Variants in KIAA0825 observed in about 807,000 individuals in gnomAD.
The protein encoded by KIAA0825 is KIAA0825.
KIAA0825 carries 119 observed loss-of-function variants against 147.6 expected under a neutral mutation model. That is an observed-to-expected ratio of 0.81 (90% CI 0.69 to 0.94). The LOEUF is 0.94. KIAA0825 is among the 40% of genes least tolerant of loss of function. The pLI, the probability that KIAA0825 is intolerant of heterozygous loss-of-function variation, is 0.00. For missense variants in KIAA0825, 1,381 were observed against 1,472.7 expected (o/e 0.94, Z 1.02); for synonymous variants, 470 against 518.1 (o/e 0.91, Z 1.26).
intron 13 of KIAA0825, among the ~76,000 whole-genome samples, chr5:94,441,481 C>T (rs935503587): frequency 6.6e-6 from 1 of 152,096 alleles, no homozygotes; most frequent in Non-Finnish European, 1.5e-5. Context: ...TTTGTGTTCC[C>T]CCTCCTCAAA....
At chr5:94,610,764 CA>C (rs756579848) in intron 1 of KIAA0825, among the ~76,000 whole-genome samples, 718 of 20,834 alleles carry the variant, frequency 0.034, 4 homozygotes, top group African/African-American at 0.069. Context: ...ACTCTATCTG[CA>C]AAAAAAAAAA....
At position 94,322,401 on chromosome 5, in the gene KIAA0825, G is replaced by T. The variant is rs1396697314; in HGVS notation, c.3710+61967C>A. 3.3e-5 allele frequency among the ~76,000 whole-genome samples: 5 copies of T among 151,748 alleles called. No individual in the cohort carries two copies. In the East Asian group the frequency reaches 9.7e-4, roughly 29 times the overall value. ...CAAAGGGTCCCCAGACTAAATCAAGGTTACTCATACGTAATCTAACTGCCA... is the reference window on the plus strand; with the variant it reads ...CAAAGGGTCCCCAGACTAAATCAAGTTTACTCATACGTAATCTAACTGCCA... On this transcript the variant is annotated intron_variant, in intron 20 of 20. Transcript: ENST00000682413.
chr5:94,489,476 G>A (rs1763450860), intron 5 of KIAA0825, among the ~76,000 whole-genome samples: 1 of 151,432 alleles, frequency 6.6e-6, no homozygotes, highest in South Asian at 2.1e-4. Context: ...AAAAACCCTT[G>A]TGGGTTAAAA....
chr5:94,448,267 T>C lies in KIAA0825; in HGVS notation c.2357+4692A>G, dbSNP rs180877667. ...CATTTTACTTACTGCTTTGAAAATATATTTATTTTCCCTAAAATAAACTCT... is the reference window on the plus strand; with the variant it reads ...CATTTTACTTACTGCTTTGAAAATACATTTATTTTCCCTAAAATAAACTCT... On this transcript the variant is annotated intron_variant, in intron 13 of 20. Coordinates refer to ENST00000682413, the MANE Select transcript of KIAA0825 (RefSeq NM_001145678.3). 4.6e-3 allele frequency among the ~76,000 whole-genome samples: 706 copies of C among 151,870 alleles called. 4 individuals carry two copies. The highest frequency in any genetic ancestry group is 0.015 in the African/African-American group (620 of 41,430).
At chr5:94,613,497 C>T (rs1789499462) in intron 1 of KIAA0825, among the ~76,000 whole-genome samples, 2 of 152,178 alleles carry the variant, frequency 1.3e-5, no homozygotes, top group Non-Finnish European at 2.9e-5. Context: ...CTGCGCCGGC[C>T]AATCTTGTCT....
chr5:94,544,673 T>C (rs1205282844), intron 2 of KIAA0825, among the ~76,000 whole-genome samples: 1 of 152,214 alleles, frequency 6.6e-6, no homozygotes, highest in Non-Finnish European at 1.5e-5. Flanking sequence ...AGTAAATATA[T>C]GTGCTTAGTC....
intron 20 of KIAA0825, among the ~76,000 whole-genome samples, chr5:94,188,997 G>T (rs1770416872): frequency 6.6e-6 from 1 of 152,082 alleles, no homozygotes; most frequent in Non-Finnish European, 1.5e-5. Context: ...CCTTACACTG[G>T]TAGTAATTTA....
chr5:94,375,725 G>A (rs2150482521), intron 20 of KIAA0825, among the ~76,000 whole-genome samples: 1 of 152,316 alleles, frequency 6.6e-6, no homozygotes, highest in Non-Finnish European at 1.5e-5. Flanking sequence ...AAGGTAGATG[G>A]TGGAAAGTCA....
chr5:94,528,020 G>C (rs1769692714), intron 3 of KIAA0825, among the ~76,000 whole-genome samples: 1 of 151,986 alleles, frequency 6.6e-6, no homozygotes, highest in African/African-American at 2.4e-5. Flanking sequence ...TAGTTAAAAA[G>C]TTAAAAAGAA....
At chr5:94,237,041 A>ATG (rs1178913210) in intron 20 of KIAA0825, among the ~76,000 whole-genome samples, 31 of 134,030 alleles carry the variant, frequency 2.3e-4, no homozygotes, top group Non-Finnish European at 4.0e-4. Flanking sequence ...TAAATAGGCT[A>ATG]TATGTGTGTG....
chr5:94,242,247 T>G (rs1167852358), intron 20 of KIAA0825, among the ~76,000 whole-genome samples: 1 of 152,230 alleles, frequency 6.6e-6, no homozygotes, highest in African/African-American at 2.4e-5. Context: ...TCTGGTTCCC[T>G]TTTTCCAAAA....
chr5:94,258,806 GA>G (rs1776363039), intron 20 of KIAA0825, among the ~76,000 whole-genome samples: 1 of 151,946 alleles, frequency 6.6e-6, no homozygotes, highest in Non-Finnish European at 1.5e-5. Flanking sequence ...TAGACAGGAT[GA>G]TCTAATTCCA....
At chr5:94,445,096 G>A (rs1328686641) in intron 13 of KIAA0825, among the ~76,000 whole-genome samples, 1 of 152,126 alleles carries the variant, frequency 6.6e-6, no homozygotes, top group African/African-American at 2.4e-5. Context: ...CTTTTGAGGA[G>A]CAGAAGTTAA....
intron 17 of KIAA0825, 83 bp downstream of exon 17, chr5:94,396,017 CT>C: frequency 8.1e-7 from 1 of 1,236,240 alleles, no homozygotes; most frequent in Non-Finnish European, 1.1e-6. Context: ...TGCTGCCCAT[CT>C]GACAATATAT....
intron 20 of KIAA0825, among the ~76,000 whole-genome samples, chr5:94,219,631 T>A (rs1282488714): frequency 6.6e-6 from 1 of 152,180 alleles, no homozygotes; most frequent in Non-Finnish European, 1.5e-5. Flanking sequence ...CTATATAGTA[T>A]AGTGTATTGC....
intron 20 of KIAA0825, among the ~76,000 whole-genome samples, chr5:94,260,914 AT>A (rs1776459892): frequency 6.6e-6 from 1 of 152,186 alleles, no homozygotes; most frequent in African/African-American, 2.4e-5. Context: ...GTTAATTAAA[AT>A]GTTATATTTT....
rs1308081072 is a variant in KIAA0825 at position 94,396,362 on chromosome 5, C to G, written c.3035G>C (p.Gly1012Ala). 1.9e-6 allele frequency: 3 copies of G among 1,551,004 alleles called. No individual in the cohort carries two copies. Among genetic ancestry groups the G allele is most frequent in the East Asian group, 2.4e-5 (1 of 40,908 alleles). Residue 1012 changes from glycine to alanine, a missense_variant, in exon 17 of 21, where the codon GGC becomes GCC. Physicochemically the swap from Gly to Ala is moderately conservative, Grantham distance 60. Coordinates refer to ENST00000682413, the MANE Select transcript of KIAA0825 (RefSeq NM_001145678.3). ...TACAATCAAGTTCCAGACAAGCAGG[C>G]CAGCTTTCTTCAATTCAACAAATTT... ...SKKFVELKKA[G>A]LLVWNLIVII...
In KIAA0825 at chr5:94,252,760, A is replaced by G. The variant is rs535940306; in HGVS notation, c.3711-98636T>C. On this transcript the variant is annotated intron_variant, in intron 20 of 20. Coordinates refer to ENST00000682413, the MANE Select transcript of KIAA0825 (RefSeq NM_001145678.3). ...TTACAAAATTACCTGCAACTATTCT[A>G]AGGAAAGAAATACTCTTGAATGCTT... 6.2e-4 allele frequency among the ~76,000 whole-genome samples: 95 copies of G among 152,028 alleles called. 1 individual carries two copies. Among genetic ancestry groups the G allele is most frequent in the Non-Finnish European group, 1.1e-3 (72 of 67,942 alleles).
At chr5:94,477,823 A>T (rs890548865) in intron 6 of KIAA0825, among the ~76,000 whole-genome samples, 1 of 152,172 alleles carries the variant, frequency 6.6e-6, no homozygotes, top group East Asian at 1.9e-4. Context: ...ACTCTTTTCC[A>T]TGGGAAAAAA....
Sources: allele counts gnomAD v4.1 joint callset (sites outside exome capture counted in the v4.1 genomes callset), GRCh38; gene constraint gnomAD v4.1.1; transcripts MANE v1.5; gene names NCBI Gene and HGNC (gene_info 2026-07-23, HGNC 2026-07-21).